FBN2: variants seen among roughly 807,000 people sequenced by gnomAD.
FBN2 encodes the protein fibrillin 2, also known as fibrillin-2.
Under a neutral mutation model 355.6 loss-of-function variants are expected in FBN2, and 105 were observed. The observed-to-expected ratio is 0.30, with a 90% CI of 0.25 to 0.35. The LOEUF (loss-of-function observed/expected upper bound fraction) is 0.35. Among genes scored for constraint, FBN2 ranks in the 10% least tolerant of loss-of-function variants. The pLI, the probability that FBN2 is intolerant of heterozygous loss-of-function variation, is 1.00. For synonymous variants in FBN2, 1,350 were observed against 1,301.2 expected (o/e 1.04, Z -0.81); for missense variants, 3,280 against 3,758.7 (o/e 0.87, Z 3.33).
At chr5:128,354,565 T>C (rs553238856) in intron 20 of FBN2, among the ~76,000 whole-genome samples, 1 of 152,254 alleles carries the variant, frequency 6.6e-6, no homozygotes, top group South Asian at 2.1e-4. Flanking sequence ...GAGGCTACAG[T>C]AGTAATTACG....
chr5:128,401,066 C>T (rs1478811744), intron 8 of FBN2, among the ~76,000 whole-genome samples: 1 of 152,182 alleles, frequency 6.6e-6, no homozygotes, highest in Non-Finnish European at 1.5e-5. Context: ...ATTCTGAGGC[C>T]TTCCCAGCCA....
chr5:128,300,672 C>G lies in FBN2; in HGVS notation c.6166+145G>C. ...ATTCTCACCATCATTTCTGATGGTT[C>G]AGTAAAACAGATGTAGGCAGCTATA... is the stretch of plus-strand genomic sequence containing the variant. On this transcript the variant is annotated intron_variant, in intron 48 of 64. Transcript: ENST00000262464. The G allele has an allele frequency of 3.6e-6, 3 of 822,716 alleles. No homozygotes were observed. In the South Asian group the frequency reaches 4.4e-5, roughly 12 times the overall value. 51.0% of individuals were successfully genotyped at this position (822,716 alleles called of 1,614,324 possible). A position where few individuals can be genotyped will look rare whatever the true frequency, so the allele number is the denominator to read the frequency against.
At chr5:128,436,683 A>G (rs549196913) in intron 7 of FBN2, among the ~76,000 whole-genome samples, 3 of 141,382 alleles carry the variant, frequency 2.1e-5, no homozygotes, top group Admixed American at 1.4e-4. Flanking sequence ...AAAAAAAAAG[A>G]AAAAAAAGTA....
chr5:128,372,741 C>T (rs1420209157), intron 15 of FBN2, among the ~76,000 whole-genome samples: 1 of 152,174 alleles, frequency 6.6e-6, no homozygotes, highest in African/African-American at 2.4e-5. Context: ...ATCTGCCCTA[C>T]TCGGAATCCC....
intron 59 of FBN2, 65 bp downstream of exon 59, chr5:128,275,973 T>C: frequency 6.4e-7 from 1 of 1,563,534 alleles, no homozygotes. Context: ...CCTGATAATC[T>C]AATATTTAAA....
intron 11 of FBN2, among the ~76,000 whole-genome samples, chr5:128,389,745 C>A (rs1459371164): frequency 2.6e-5 from 4 of 152,170 alleles, no homozygotes; most frequent in African/African-American, 9.6e-5. Flanking sequence ...ATTCCAGAGA[C>A]CCCTGCAAAG....
intron 48 of FBN2, among the ~76,000 whole-genome samples, chr5:128,292,594 C>T (rs976533162): frequency 3.3e-5 from 5 of 152,062 alleles, no homozygotes; most frequent in African/African-American, 1.2e-4. Flanking sequence ...CAGAAACCAA[C>T]ACCACCGCCA....
intron 5 of FBN2, among the ~76,000 whole-genome samples, chr5:128,475,381 C>A (rs1754982170): frequency 6.6e-6 from 1 of 151,970 alleles, no homozygotes; most frequent in Non-Finnish European, 1.5e-5. Flanking sequence ...GAGAGTGAAT[C>A]CTTTCAATAT....
intron 7 of FBN2, among the ~76,000 whole-genome samples, chr5:128,423,163 T>C (rs939257985): frequency 2.0e-5 from 3 of 152,056 alleles, no homozygotes; most frequent in Admixed American, 6.6e-5. Flanking sequence ...GACAGTTAAA[T>C]TGAAACAGAT....
intron 34 of FBN2, among the ~76,000 whole-genome samples, chr5:128,324,906 A>G (rs1750502411): frequency 6.6e-6 from 1 of 152,128 alleles, no homozygotes; most frequent in African/African-American, 2.4e-5. Flanking sequence ...GGCATGAGCC[A>G]CTGCGCTCGG....
intron 62 of FBN2, among the ~76,000 whole-genome samples, chr5:128,269,580 C>T (rs1765213386): frequency 1.3e-5 from 2 of 151,990 alleles, no homozygotes; most frequent in South Asian, 4.1e-4. Context: ...TTCCTATACA[C>T]CAACAATAGA....
At position 128,259,527 on chromosome 5, in the gene FBN2, G is replaced by C. The variant is rs771442533; in HGVS notation, c.8667C>G (p.Ser2889Arg). Residue 2889 changes from serine (S) to arginine (R), a missense_variant, in exon 65 of 65, where the codon AGC (serine) becomes AGG (arginine). Coordinates refer to ENST00000262464, the MANE Select transcript of FBN2 (RefSeq NM_001999.4). ...KKKELKKLEESNEDDYLLGEL... is the reference protein window; with the variant it reads ...KKKELKKLEERNEDDYLLGEL... ...CCCCTAGGAGGTAGTCATCCTCATT[G>C]CTCTCTTCCAGTTTCTTAAGCTCCT... 5 of 1,613,944 alleles carry C rather than the reference G, an allele frequency of 3.1e-6. No individual in the cohort carries two copies. The East Asian group carries it at 8.9e-5, about 29-fold the overall frequency.
At chr5:128,414,681 A>G (rs1753150641) in intron 7 of FBN2, among the ~76,000 whole-genome samples, 2 of 152,148 alleles carry the variant, frequency 1.3e-5, no homozygotes, top group Admixed American at 1.3e-4. Context: ...CAGTAATTCT[A>G]TGTTTAACTT....
At chr5:128,437,911 G>A (rs1171933183) in intron 7 of FBN2, among the ~76,000 whole-genome samples, 2 of 152,126 alleles carry the variant, frequency 1.3e-5, no homozygotes, top group African/African-American at 4.8e-5. Flanking sequence ...CTGTTTTTCT[G>A]TTTTGAAAGT....
chr5:128,520,991 C>A (rs1320453047), intron 4 of FBN2, among the ~76,000 whole-genome samples: 1 of 152,106 alleles, frequency 6.6e-6, no homozygotes, highest in African/African-American at 2.4e-5. Context: ...TGGGAAAAAA[C>A]AAAACCTATG....
chr5:128,345,716 C>T, intron 23 of FBN2, 132 bp from the exon 24 acceptor site: 1 of 761,472 alleles, frequency 1.3e-6, no homozygotes, highest in Non-Finnish European at 2.3e-6. Flanking sequence ...GATGCAGTCC[C>T]TGACCTCCTG....
rs143475741 is a variant in FBN2, at chr5:128,496,183, A to G, written c.628+23090T>C. Among the ~76,000 whole-genome samples the G allele has an allele frequency of 1.3e-4, 20 of 152,226 alleles. No homozygotes were observed. The East Asian group carries it at 3.7e-3, about 28-fold the overall frequency. Reference sequence around the variant, plus strand: ...GAAAGAACACTTCTCCAGTCACTCTATGAGGTCACAATTACACTGATACCA... The same window carrying G: ...GAAAGAACACTTCTCCAGTCACTCTGTGAGGTCACAATTACACTGATACCA... On this transcript the variant is annotated intron_variant, in intron 5 of 64. Transcript: ENST00000262464.
intron 45 of FBN2, among the ~76,000 whole-genome samples, chr5:128,304,484 C>T (rs1472440636): frequency 6.6e-6 from 1 of 152,188 alleles, no homozygotes; most frequent in South Asian, 2.1e-4. Flanking sequence ...AAAATATGTA[C>T]ATAAATCCCA....
chr5:128,476,077 GACAGAGGTACA>G (rs1755000586), intron 5 of FBN2, among the ~76,000 whole-genome samples: 1 of 152,114 alleles, frequency 6.6e-6, no homozygotes, highest in Admixed American at 6.5e-5. Context: ...CAAAAGTTGT[GACAGAGGTACA>G]GGTGTTTCAA....
Sources: gnomAD v4.1 joint callset for allele counts (sites outside exome capture counted in the v4.1 genomes callset) on GRCh38, gnomAD v4.1.1 for gene constraint, MANE v1.5 for transcripts, NCBI Gene and HGNC (gene_info 2026-07-23, HGNC 2026-07-21) for gene names.